Variants in ANO2 observed in about 807,000 individuals in gnomAD.
ANO2 encodes the protein anoctamin 2, also known as anoctamin-2.
ANO2 carries 101 observed loss-of-function variants against 124.2 expected under a neutral mutation model. The ratio of observed to expected loss-of-function variants is 0.81; its 90% CI spans 0.69 to 0.96. ANO2 has a LOEUF of 0.96. ANO2 is among the 40% of genes least tolerant of loss of function. ANO2 has a pLI of 0.00. For missense variants in ANO2, 1,293 were observed against 1,274.5 expected (o/e 1.01, Z -0.22); for synonymous variants, 486 against 482.5 (o/e 1.01, Z -0.09).
At chr12:5,651,549 T>C (rs987417530) in intron 14 of ANO2, among the ~76,000 whole-genome samples, 1 of 152,198 alleles carries the variant, frequency 6.6e-6, no homozygotes, top group African/African-American at 2.4e-5. Flanking sequence ...GCCTCCAGAT[T>C]AGCTGAAATT....
At chr12:5,858,955 T>C (rs61179209) in intron 3 of ANO2, among the ~76,000 whole-genome samples, 2,639 of 152,286 alleles carry the variant, frequency 0.017, 69 homozygotes, top group African/African-American at 0.056. Flanking sequence ...TTTCAAAATG[T>C]CCCACATGTC....
intron 16 of ANO2, among the ~76,000 whole-genome samples, chr12:5,616,432 C>A (rs972164351): frequency 2.6e-5 from 4 of 152,216 alleles, no homozygotes; most frequent in Admixed American, 6.5e-5. Flanking sequence ...CACCACACCT[C>A]CTAATACCAT....
intron 19 of ANO2, among the ~76,000 whole-genome samples, chr12:5,610,031 A>G (rs1944411578): frequency 7.2e-6 from 1 of 138,230 alleles, no homozygotes; most frequent in African/African-American, 2.7e-5. Flanking sequence ...TATTTATATT[A>G]TAGATAAATA....
intron 3 of ANO2, among the ~76,000 whole-genome samples, chr12:5,868,801 G>C (rs377749572): frequency 6.6e-6 from 1 of 152,212 alleles, no homozygotes; most frequent in East Asian, 1.9e-4. Context: ...TGGAAGAGAA[G>C]GGGTCATCAG....
chr12:5,578,561 G>A, intron 20 of ANO2, 43 bp from the exon 21 acceptor site: 2 of 1,589,182 alleles, frequency 1.3e-6, no homozygotes, highest in Non-Finnish European at 1.7e-6. Flanking sequence ...GGAACAAGCA[G>A]GACTCAGGTC....
chr12:5,610,983 T>TTTTTTTTTGCTTTTTTTTTTTG (rs1555100751), intron 19 of ANO2, among the ~76,000 whole-genome samples: 3 of 121,658 alleles, frequency 2.5e-5, no homozygotes, highest in Non-Finnish European at 3.5e-5. Context: ...TTTTTTTTTT[T>TTTTTTTTTGCTTTTTTTTTTTG]TTTTTTGAGA....
At chr12:5,905,008 G>A (rs776606594) in intron 3 of ANO2, among the ~76,000 whole-genome samples, 7 of 152,150 alleles carry the variant, frequency 4.6e-5, no homozygotes, top group Non-Finnish European at 1.0e-4. Context: ...TCCAAACAGT[G>A]GACTCTAGGA....
chr12:5,692,111 G>A (rs900414671), intron 14 of ANO2, among the ~76,000 whole-genome samples: 1 of 152,144 alleles, frequency 6.6e-6, no homozygotes, highest in East Asian at 1.9e-4. Context: ...AGGGAATGAG[G>A]CTCCAGATAC....
At chr12:5,803,134 C>T (rs1953092151) in intron 9 of ANO2, among the ~76,000 whole-genome samples, 1 of 152,180 alleles carries the variant, frequency 6.6e-6, no homozygotes, top group African/African-American at 2.4e-5. Context: ...CAGAAAGATG[C>T]TATAGCCACC....
intron 6 of ANO2, among the ~76,000 whole-genome samples, chr12:5,828,030 A>G (rs1048580665): frequency 6.6e-6 from 1 of 152,180 alleles, no homozygotes; most frequent in African/African-American, 2.4e-5. Flanking sequence ...AGGCCCGCGC[A>G]CACATCCCCC....
intron 14 of ANO2, among the ~76,000 whole-genome samples, chr12:5,685,856 A>G (rs1179946525): frequency 6.6e-6 from 1 of 152,208 alleles, no homozygotes; most frequent in East Asian, 1.9e-4. Context: ...TGGCTCGTCC[A>G]ACAGAATGGT....
At chr12:5,662,016 G>A (rs1947468021) in intron 14 of ANO2, among the ~76,000 whole-genome samples, 1 of 152,164 alleles carries the variant, frequency 6.6e-6, no homozygotes, top group South Asian at 2.1e-4. Flanking sequence ...GGCTCCCATG[G>A]CGCCCCTCCC....
chr12:5,675,611 G>A (rs924466725), intron 14 of ANO2, among the ~76,000 whole-genome samples: 7 of 152,126 alleles, frequency 4.6e-5, no homozygotes, highest in African/African-American at 9.7e-5. Flanking sequence ...CCTTGGCCTC[G>A]TAACCCATTC....
intron 5 of ANO2, among the ~76,000 whole-genome samples, chr12:5,831,744 T>C (rs1335804344): frequency 2.0e-5 from 3 of 152,300 alleles, no homozygotes; most frequent in Admixed American, 1.3e-4. Flanking sequence ...CCTCCTAAAA[T>C]GAGAAGGTCC....
intron 4 of ANO2, among the ~76,000 whole-genome samples, chr12:5,839,826 G>A (rs532516711): frequency 3.3e-5 from 5 of 152,176 alleles, no homozygotes; most frequent in Non-Finnish European, 7.3e-5. Flanking sequence ...GAGGGGCTGG[G>A]AATGGCCACA....
intron 13 of ANO2, among the ~76,000 whole-genome samples, chr12:5,735,088 G>C (rs1232131607): frequency 6.6e-6 from 1 of 152,202 alleles, no homozygotes; most frequent in Non-Finnish European, 1.5e-5. Flanking sequence ...CCAAGCAAGT[G>C]GGGTGAGGTT....
At position 5,574,484 on chromosome 12, in the gene ANO2, C is replaced by A. The variant is rs1407297248; in HGVS notation, c.2621+1350G>T. Among the ~76,000 whole-genome samples, 22 of 152,190 alleles carry A rather than the reference C, an allele frequency of 1.4e-4. 1 individual carries two copies. The highest frequency in any genetic ancestry group is 1.4e-3 in the Admixed American group (22 of 15,286). The stretch of plus-strand genomic sequence containing the variant: ...ATCATATGTAGCATAAAATTAGACT[C>A]TCTCAGCATATTCCCTCTCCCTATC... On this transcript the variant is annotated intron_variant, in intron 23 of 24. Coordinates refer to ENST00000682330, the MANE Select transcript of ANO2 (RefSeq NM_001364791.2).
intron 15 of ANO2, among the ~76,000 whole-genome samples, chr12:5,638,757 G>C (rs1485416476): frequency 6.6e-6 from 1 of 151,938 alleles, no homozygotes; most frequent in East Asian, 2.0e-4. Flanking sequence ...TAGGGGATCT[G>C]GCTGCCTGGC....
intron 14 of ANO2, among the ~76,000 whole-genome samples, chr12:5,678,464 T>A (rs1948349613): frequency 6.6e-6 from 1 of 152,130 alleles, no homozygotes; most frequent in Non-Finnish European, 1.5e-5. Context: ...TTCTCGGCCT[T>A]CTCTTTGCCA....
Sources: allele counts gnomAD v4.1 joint callset (sites outside exome capture counted in the v4.1 genomes callset), GRCh38; gene constraint gnomAD v4.1.1; transcripts MANE v1.5; gene names NCBI Gene and HGNC (gene_info 2026-07-23, HGNC 2026-07-21).